The following DOCK4 variants were observed in gnomAD, a reference collection of about 807,000 sequenced individuals.
DOCK4 encodes dedicator of cytokinesis 4.
Under a neutral mutation model 268.1 loss-of-function variants are expected in DOCK4, and 97 were observed. The ratio of observed to expected loss-of-function variants is 0.36; its 90% CI spans 0.31 to 0.43. The LOEUF (loss-of-function observed/expected upper bound fraction) is 0.43. Ranked by LOEUF, DOCK4 falls within the 20% of genes least tolerant of loss-of-function variation. The pLI is 1.00. For missense variants in DOCK4, 2,145 were observed against 2,455.7 expected, an observed-to-expected ratio of 0.87 and a Z score of 2.67; for synonymous variants, 954 against 887.2, an observed-to-expected ratio of 1.08 and a Z score of -1.34.
intron 23 of DOCK4, among the ~76,000 whole-genome samples, chr7:111,854,555 C>G (rs1019516044): frequency 6.6e-6 from 1 of 152,000 alleles, no homozygotes; most frequent in South Asian, 2.1e-4. Context: ...GCTCATCTTG[C>G]TACATTAGTA....
intron 30 of DOCK4, among the ~76,000 whole-genome samples, chr7:111,791,276 T>TACACACACACACACAC (rs147004808): frequency 0.032 from 4,301 of 134,776 alleles, 227 homozygotes; most frequent in African/African-American, 0.098. Flanking sequence ...ATTTAAAAAA[T>TACACACACACACACAC]ACACACACAC....
At chr7:112,072,242 C>A (rs200096610) in intron 1 of DOCK4, among the ~76,000 whole-genome samples, 6 of 146,628 alleles carry the variant, frequency 4.1e-5, no homozygotes, top group African/African-American at 1.5e-4. Flanking sequence ...GAAAAAAAAT[C>A]TATCTATAAC....
At chr7:111,741,684 A>C (rs1376589655) in intron 45 of DOCK4, 23 bp from the exon 46 acceptor site, 2 of 1,609,636 alleles carry the variant, frequency 1.2e-6, no homozygotes, top group Non-Finnish European at 1.7e-6. Flanking sequence ...TAAAGGAAAT[A>C]TCTCATTACA....
intron 7 of DOCK4, among the ~76,000 whole-genome samples, chr7:111,982,373 C>A (rs1229584128): frequency 6.6e-6 from 1 of 152,104 alleles, no homozygotes; most frequent in Non-Finnish European, 1.5e-5. Flanking sequence ...CATGACACAG[C>A]CAAATCTAAG....
At chr7:111,976,268 A>ATT (rs1328452587) in intron 8 of DOCK4, among the ~76,000 whole-genome samples, 9 of 56,400 alleles carry the variant, frequency 1.6e-4, no homozygotes, top group East Asian at 4.9e-4. Context: ...ATGTGTGTCT[A>ATT]TTATATATAT....
chr7:112,139,292 AC>A (rs1563123325), intron 1 of DOCK4, among the ~76,000 whole-genome samples: 1 of 151,978 alleles, frequency 6.6e-6, no homozygotes, highest in Non-Finnish European at 1.5e-5. Context: ...CACAAAAAAT[AC>A]CCCCAAAAAG....
chr7:111,869,135 C>G (rs73422414), intron 21 of DOCK4, among the ~76,000 whole-genome samples: 5,805 of 152,220 alleles, frequency 0.038, 372 homozygotes, highest in African/African-American at 0.13. Flanking sequence ...CCACAAGACC[C>G]GGTAAAGCCT....
chr7:111,822,241 A>T, intron 27 of DOCK4, 121 bp downstream of exon 27: 1 of 714,774 alleles, frequency 1.4e-6, no homozygotes, highest in Non-Finnish European at 2.3e-6. Context: ...CATTTTTTTA[A>T]AGGCTTAATT....
intron 43 of DOCK4, 119 bp from the exon 44 acceptor site, chr7:111,746,536 G>C: frequency 1.3e-6 from 1 of 741,746 alleles, no homozygotes; most frequent in South Asian, 1.8e-5. Flanking sequence ...CACATTTTGG[G>C]ACAGATGGGC....
intron 1 of DOCK4, among the ~76,000 whole-genome samples, chr7:112,103,612 T>TACA (rs1343067102): frequency 6.6e-6 from 1 of 152,248 alleles, no homozygotes; most frequent in African/African-American, 2.4e-5. Flanking sequence ...CTGGGCGCAG[T>TACA]GGCTCATGCC....
intron 36 of DOCK4, among the ~76,000 whole-genome samples, chr7:111,777,190 A>G (rs539050298): frequency 1.3e-5 from 2 of 152,350 alleles, no homozygotes; most frequent in South Asian, 4.1e-4. Flanking sequence ...CAGTGGAATT[A>G]TATTTTTAAA....
At chr7:112,116,512 G>A (rs368624989) in intron 1 of DOCK4, among the ~76,000 whole-genome samples, 32 of 152,122 alleles carry the variant, frequency 2.1e-4, no homozygotes, top group African/African-American at 7.5e-4. Context: ...CCCATTTTCC[G>A]CCACAAAGAA....
chr7:111,739,792 G>A (rs1043664376), intron 47 of DOCK4: 5 of 381,364 alleles, frequency 1.3e-5, no homozygotes, highest in East Asian at 6.2e-5. Flanking sequence ...AAAAACAGGC[G>A]AGTGCGTCTA....
intron 12 of DOCK4, among the ~76,000 whole-genome samples, chr7:111,927,557 T>C (rs955533422): frequency 6.6e-6 from 1 of 152,238 alleles, no homozygotes; most frequent in Non-Finnish European, 1.5e-5. Context: ...TTTTTCACTT[T>C]AAAGTTTCCA....
At chr7:112,017,452 T>C (rs1490031685) in intron 1 of DOCK4, among the ~76,000 whole-genome samples, 1 of 152,226 alleles carries the variant, frequency 6.6e-6, no homozygotes, top group African/African-American at 2.4e-5. Context: ...GAGGGATTTA[T>C]ACATAGCAGA....
chr7:111,792,899 T>C (rs778690004), intron 30 of DOCK4, among the ~76,000 whole-genome samples: 33 of 152,200 alleles, frequency 2.2e-4, no homozygotes, highest in Non-Finnish European at 4.3e-4. Context: ...GGCAAGAGCA[T>C]GACCAAGTCA....
rs562128562 is a variant in DOCK4, at chr7:112,100,907, C to G, written c.38-96776G>C. Among the ~76,000 whole-genome samples, 3 of 152,274 alleles carry G rather than the reference C, an allele frequency of 2.0e-5. No homozygotes were observed. The South Asian group carries it at 6.2e-4, about 32-fold the overall frequency. ...ATATAAGGGAAGCATTTAAAATAAG[C>G]TCCACCCTTAAAGAATGGGTTATAT... On this transcript the variant is annotated intron_variant, in intron 1 of 52. Transcript: ENST00000428084.
chr7:112,099,396 G>A (rs889316140), intron 1 of DOCK4, among the ~76,000 whole-genome samples: 1 of 151,228 alleles, frequency 6.6e-6, no homozygotes, highest in East Asian at 1.9e-4. Context: ...ACACACATGC[G>A]TCTCTTTGAC....
At chr7:112,046,875 T>C (rs969123333) in intron 1 of DOCK4, among the ~76,000 whole-genome samples, 1 of 151,578 alleles carries the variant, frequency 6.6e-6, no homozygotes, top group Non-Finnish European at 1.5e-5. Context: ...AGAAAAAGAG[T>C]TGGGAGTCTG....
Sources: allele counts gnomAD v4.1 joint callset (sites outside exome capture counted in the v4.1 genomes callset), GRCh38; gene constraint gnomAD v4.1.1; transcripts MANE v1.5; gene names NCBI Gene and HGNC (gene_info 2026-07-23, HGNC 2026-07-21).